KLHL30: variants seen among roughly 807,000 people sequenced by gnomAD.
KLHL30 encodes the protein kelch-like protein 30.
Under a neutral mutation model 55.0 loss-of-function variants are expected in KLHL30, and 55 were observed. That is an observed-to-expected ratio of 1.00 (90% CI 0.80 to 1.25). KLHL30 has a LOEUF of 1.25. KLHL30 is among the 50% of genes most tolerant of loss of function. The pLI is 0.00. For synonymous variants in KLHL30, 356 were observed against 372.6 expected, an observed-to-expected ratio of 0.96 and a Z score of 0.51; for missense variants, 786 against 811.6, an observed-to-expected ratio of 0.97 and a Z score of 0.38.
At position 238,140,703 on chromosome 2, in the gene KLHL30, G is replaced by T; in HGVS notation, c.-52G>T. On this transcript the variant is annotated 5_prime_UTR_variant, in exon 2 of 8. Transcript: ENST00000409223. ...CTCCTAGGAGCTCGGGCGGCTCCAG[G>T]CACTTCTTCCCTTGAGTGGGTGGAC... The T allele has an allele frequency of 6.9e-7, 1 of 1,455,512 alleles. No individual in the cohort carries two copies. Among genetic ancestry groups the T allele is most frequent in the South Asian group, 1.4e-5 (1 of 69,318 alleles). The allele number at this position is 1,455,512 out of a possible 1,614,324, so 90.2% of individuals were successfully genotyped here. A position where few individuals can be genotyped will look rare whatever the true frequency, so the allele number is the denominator to read the frequency against.
intron 5 of KLHL30, among the ~76,000 whole-genome samples, chr2:238,146,365 C>T (rs1165652583): frequency 6.7e-6 from 1 of 149,836 alleles, no homozygotes; most frequent in African/African-American, 2.4e-5. Context: ...ATAGAGAGAC[C>T]CTGTCTCCCT....
At chr2:238,148,923 C>T (rs1692697087) in intron 6 of KLHL30, 84 bp from the exon 7 acceptor site, 2 of 1,391,584 alleles carry the variant, frequency 1.4e-6, no homozygotes, top group Admixed American at 4.0e-5. Flanking sequence ...GGCACTGAGT[C>T]CAGGGTCCCT....
chr2:238,140,808 C>T lies in KLHL30; in HGVS notation c.54C>T (p.Asp18=). 6.3e-7 allele frequency: 1 copy of T among 1,598,522 alleles called. No homozygotes were observed. The highest frequency in any genetic ancestry group is 8.5e-7 in the Non-Finnish European group (1 of 1,169,874). ...LDFHLPSHAQ[D]MLDGLQRLRS... is the part of the protein sequence containing the mutation. The stretch of plus-strand genomic sequence containing the variant: ...TCCACCTGCCCTCGCATGCCCAGGA[C>T]ATGCTGGATGGCCTGCAGCGCCTGC... Residue 18 remains aspartate, a synonymous_variant, in exon 2 of 8, where the codon GAC becomes GAT. Coordinates refer to ENST00000409223, the MANE Select transcript of KLHL30 (RefSeq NM_198582.4).
intron 2 of KLHL30, among the ~76,000 whole-genome samples, chr2:238,142,013 A>G (rs1180145750): frequency 6.6e-6 from 1 of 152,208 alleles, no homozygotes; most frequent in Non-Finnish European, 1.5e-5. Context: ...AAGGAGGCAC[A>G]GACAGGCCTG....
Position 238,151,181 on chromosome 2 carries a change from G to T in KLHL30, c.*116G>T. On this transcript the variant is annotated 3_prime_UTR_variant, in exon 8 of 8. Transcript: ENST00000409223. ...TCGGAGCTACCATTCCTTCCAAGCT[G>T]CGCTCAGGCCACCAGGGGTGATCAG... The T allele has an allele frequency of 7.2e-7, 1 of 1,395,452 alleles. No individual in the cohort carries two copies. 86.4% of individuals were successfully genotyped at this position (1,395,452 alleles called of 1,614,324 possible).
At position 238,142,384 on chromosome 2, in the gene KLHL30, G is replaced by T. The variant is rs1259465396; in HGVS notation, c.775-415G>T. 2.6e-5 allele frequency among the ~76,000 whole-genome samples: 4 copies of T among 152,304 alleles called. No homozygotes were observed. The East Asian group carries it at 7.7e-4, about 29-fold the overall frequency. On this transcript the variant is annotated intron_variant, in intron 2 of 7. Coordinates refer to ENST00000409223, the MANE Select transcript of KLHL30 (RefSeq NM_198582.4). Reference sequence around the variant, plus strand: ...CTAATTCCTGGCAGTGGGAGATCTGGGGGTTCCATATGGGGGGCCAGGGTG... The same window carrying T: ...CTAATTCCTGGCAGTGGGAGATCTGTGGGTTCCATATGGGGGGCCAGGGTG...
chr2:238,140,681 C>A lies in KLHL30; in HGVS notation c.-70-4C>A, dbSNP rs1015028632. 7.0e-7 allele frequency: 1 copy of A among 1,434,262 alleles called. No homozygotes were observed. Among genetic ancestry groups the A allele is most frequent in the Non-Finnish European group, 9.2e-7 (1 of 1,081,740 alleles). The allele number at this position is 1,434,262 out of a possible 1,614,324, so 88.8% of individuals were successfully genotyped here. A position where few individuals can be genotyped will look rare whatever the true frequency, so the allele number is the denominator to read the frequency against. The stretch of plus-strand genomic sequence containing the variant: ...TTGGCTGACCCTGCTCTCTTCTCTC[C>A]TAGGAGCTCGGGCGGCTCCAGGCAC... On this transcript the variant is annotated splice_region_variant and splice_polypyrimidine_tract_variant and intron_variant, in intron 1 of 7. Coordinates refer to ENST00000409223, the MANE Select transcript of KLHL30 (RefSeq NM_198582.4).
At chr2:238,144,388 A>AAGGAAGGAAGGAAGGAAGGAAGGAAGGC (rs1692595941) in intron 3 of KLHL30, among the ~76,000 whole-genome samples, 1 of 70,270 alleles carries the variant, frequency 1.4e-5, no homozygotes, top group Non-Finnish European at 3.1e-5. Context: ...GGAAGGAAGG[A>AAGGAAGGAAGGAAGGAAGGAAGGAAGGC]AGGAAGGAAG....
At position 238,140,922 on chromosome 2, in the gene KLHL30, C is replaced by G. The variant is rs1392509097; in HGVS notation, c.168C>G (p.Pro56=). ...GCGGCCTCCTGGCGCTCAGCAGCCC[C>G]TACTTCCATGCCATGTTTGCGGGTG... ...CHRGLLALSS[P]YFHAMFAGDF... Residue 56 remains proline (P), a synonymous_variant, in exon 2 of 8, where the codon CCC becomes CCG. Coordinates refer to ENST00000409223, the MANE Select transcript of KLHL30 (RefSeq NM_198582.4). 1 of 1,611,214 alleles carries G rather than the reference C, an allele frequency of 6.2e-7. No individual in the cohort carries two copies. Among genetic ancestry groups the G allele is most frequent in the Non-Finnish European group, 8.5e-7 (1 of 1,178,684 alleles).
rs530508863 is a variant in KLHL30, at chr2:238,149,271, G to A, written c.1485+119G>A. 2.2e-3 allele frequency: 2,954 copies of A among 1,364,214 alleles called. 6 individuals are homozygous for A. The highest frequency in any genetic ancestry group is 2.6e-3 in the Non-Finnish European group (2,619 of 1,005,856). The allele number at this position is 1,364,214 out of a possible 1,614,324, so 84.5% of individuals were successfully genotyped here. Reference sequence around the variant, plus strand: ...GAGGGCCCACTGCGAAGGGGACAGCGCAGGCTGGGGTGCCCACAGAGGGCC... The same window carrying A: ...GAGGGCCCACTGCGAAGGGGACAGCACAGGCTGGGGTGCCCACAGAGGGCC... On this transcript the variant is annotated intron_variant, in intron 7 of 7. Transcript: ENST00000409223.
At chr2:238,145,075 G>A in intron 4 of KLHL30, 87 bp downstream of exon 4, 2 of 1,095,340 alleles carry the variant, frequency 1.8e-6, no homozygotes, top group Non-Finnish European at 2.7e-6. Context: ...TGGGGTCCCT[G>A]AGGGTTAGTC....
chr2:238,142,677 G>C (rs1038767294), intron 2 of KLHL30, 122 bp from the exon 3 acceptor site: 1 of 993,472 alleles, frequency 1.0e-6, no homozygotes, highest in Admixed American at 4.3e-5. Flanking sequence ...TCGGGCACAC[G>C]CCATCTCCAG....
intron 7 of KLHL30, among the ~76,000 whole-genome samples, 183 bp downstream of exon 7, chr2:238,149,335 A>G (rs1474693276): frequency 6.9e-6 from 1 of 145,538 alleles, no homozygotes; most frequent in African/African-American, 2.7e-5. Context: ...GTGCCCACAG[A>G]GGGCCCACAG....
At chr2:238,142,621 A>G (rs1358792108) in intron 2 of KLHL30, among the ~76,000 whole-genome samples, 178 bp from the exon 3 acceptor site, 6 of 152,178 alleles carry the variant, frequency 3.9e-5, no homozygotes, top group Admixed American at 3.9e-4. Context: ...AACTCCAGGA[A>G]TGCCCCTGAA....
Position 238,151,377 on chromosome 2 carries a change from A to C in KLHL30, c.*312A>C, listed in dbSNP as rs373103017. Reference sequence around the variant, plus strand: ...GAGGGGAGCCGGGGGCCGGGCCAGCATTCCCAGAGCTTGCGAGCCCCACTC... The same window carrying C: ...GAGGGGAGCCGGGGGCCGGGCCAGCCTTCCCAGAGCTTGCGAGCCCCACTC... On this transcript the variant is annotated 3_prime_UTR_variant, in exon 8 of 8. Coordinates refer to ENST00000409223, the MANE Select transcript of KLHL30 (RefSeq NM_198582.4). 2.2e-6 allele frequency: 1 copy of C among 455,842 alleles called. No homozygotes were observed. Among genetic ancestry groups the C allele is most frequent in the African/African-American group, 2.0e-5 (1 of 51,170 alleles). The allele number at this position is 455,842 out of a possible 1,614,324, so 28.2% of individuals were successfully genotyped here. A position where few individuals can be genotyped will look rare whatever the true frequency, so the allele number is the denominator to read the frequency against.
At chr2:238,150,721 C>T in intron 7 of KLHL30, 93 bp from the exon 8 acceptor site, 1 of 1,424,026 alleles carries the variant, frequency 7.0e-7, no homozygotes, top group South Asian at 1.4e-5. Flanking sequence ...GGCTGGCTGT[C>T]CTCTCTGCCA....
chr2:238,145,718 C>A lies in KLHL30; in HGVS notation c.1036C>A (p.Gln346Lys). ...AAAGACAGACACCTGGTCAACCACC[C>A]AGGCCTGGTGCTTCCCCCTGAAGGA... ...GTKTDTWSTT[Q>K]AWCFPLKEAS... The change falls in exon 5 of 8, where the codon CAG becomes AAG. Residue 346 changes from glutamine (Q) to lysine (K), a missense_variant. Transcript: ENST00000409223. 1 of 1,590,158 alleles carries A rather than the reference C, an allele frequency of 6.3e-7. No homozygotes were observed. Among genetic ancestry groups the A allele is most frequent in the Non-Finnish European group, 8.5e-7 (1 of 1,169,842 alleles).
chr2:238,142,835 CTGG>C lies in KLHL30; in HGVS notation c.821_823del (p.Val274del), dbSNP rs745831909. The C allele has an allele frequency of 6.2e-6, 9 of 1,449,010 alleles. No homozygotes were observed. Among genetic ancestry groups the C allele is most frequent in the South Asian group, 4.7e-5 (3 of 63,862 alleles). 89.8% of individuals were successfully genotyped at this position (1,449,010 alleles called of 1,614,324 possible). ...CCTCCAGCAGAAGCTGGAGGAGGTC[CTGG>C]TGGTGGTGGGCGGGCAGGCGCTGGA... On this transcript the variant is annotated inframe_deletion, in exon 3 of 8. Coordinates refer to ENST00000409223, the MANE Select transcript of KLHL30 (RefSeq NM_198582.4).
chr2:238,144,422 G>GGAAGGAAGGAAGGAAGGAAT (rs1692605034), intron 3 of KLHL30, among the ~76,000 whole-genome samples: 24 of 106,040 alleles, frequency 2.3e-4, no homozygotes, highest in Non-Finnish European at 2.4e-4. Context: ...AAGGAAGGAA[G>GGAAGGAAGGAAGGAAGGAAT]GAAGGAAGGA....
Sources: allele counts gnomAD v4.1 joint callset (sites outside exome capture counted in the v4.1 genomes callset), GRCh38; gene constraint gnomAD v4.1.1; transcripts MANE v1.5; gene names NCBI Gene and HGNC (gene_info 2026-07-23, HGNC 2026-07-21).